The following CASTOR1 variants were observed in gnomAD, a reference collection of about 807,000 sequenced individuals.
CASTOR1 encodes cytosolic arginine sensor for mTORC1 subunit 1, also known as GATS protein like 3.
CASTOR1 carries 18 observed loss-of-function variants against 33.7 expected under a neutral mutation model. The observed-to-expected ratio is 0.53, with a 90% CI of 0.37 to 0.79. CASTOR1 has a LOEUF of 0.79. Among genes scored for constraint, CASTOR1 ranks in the 30% least tolerant of loss-of-function variants. The pLI, the probability that CASTOR1 is intolerant of heterozygous loss-of-function variation, is 0.00. For synonymous variants in CASTOR1, 175 were observed against 190.6 expected (o/e 0.92, Z 0.67); for missense variants, 362 against 446.3 (o/e 0.81, Z 1.70).
intron 1 of CASTOR1, 165 bp from the exon 2 acceptor site, chr22:30,288,941 G>A (rs1287568715): frequency 6.8e-6 from 4 of 585,410 alleles, no homozygotes; most frequent in Non-Finnish European, 1.2e-5. Flanking sequence ...CCCATCTCGG[G>A]GGTTGGGGGC....
Position 30,287,285 on chromosome 22 carries a change from C to A in CASTOR1, c.375G>T (p.Val125=), listed in dbSNP as rs772831027. Reference sequence around the variant, plus strand: ...TCACCACGGACAGGTCCTGCTCCCGCACCTGGGCCACAGCAGATGGCACAT... The same window carrying A: ...TCACCACGGACAGGTCCTGCTCCCGAACCTGGGCCACAGCAGATGGCACAT... ...LSTYQTDFIL[V]REQDLSVVIH... Residue 125 remains valine (V), a splice_region_variant and synonymous_variant, in exon 4 of 9, where the codon GTG becomes GTT. Coordinates refer to ENST00000407689, the MANE Select transcript of CASTOR1 (RefSeq NM_001037666.3). 6.4e-7 allele frequency: 1 copy of A among 1,572,440 alleles called. No homozygotes were observed. Among genetic ancestry groups the A allele is most frequent in the East Asian group, 2.3e-5 (1 of 44,436 alleles).
rs757569133 is a variant in CASTOR1 at position 30,285,930 on chromosome 22, A to C, written c.827-4T>G. On this transcript the variant is annotated splice_region_variant and splice_polypyrimidine_tract_variant and intron_variant, in intron 7 of 8. Coordinates refer to ENST00000407689, the MANE Select transcript of CASTOR1 (RefSeq NM_001037666.3). ...TGTGCCACGATGCCACATTCATCTG[A>C]GGGTGGTGGAGGAAGGCCACATGTG... The C allele has an allele frequency of 1.1e-5, 17 of 1,598,280 alleles. No individual in the cohort carries two copies. The highest frequency in any genetic ancestry group is 3.3e-4 in the Middle Eastern group (2 of 6,062).
chr22:30,287,108 G>A, intron 4 of CASTOR1, 47 bp downstream of exon 4: 1 of 1,571,936 alleles, frequency 6.4e-7, no homozygotes. Flanking sequence ...GACCCAGTGG[G>A]AAGAGGAGGC....
rs1049003084 is a variant in CASTOR1 at position 30,287,480 on chromosome 22, C to T, written c.265G>A (p.Val89Met). The change falls in exon 3 of 9, where the codon GTG becomes ATG. Residue 89 changes from valine to methionine, a missense_variant. Transcript: ENST00000407689. ...ATCTTGGTGACCCCAGCAGCCTGCA[C>T]TGCCGCACCGCTGTGAGACGACACG... ...LNVSSHSGAA[V>M]QAAGVTKIAR... The T allele has an allele frequency of 6.2e-7, 1 of 1,613,408 alleles. No individual in the cohort carries two copies. The highest frequency in any genetic ancestry group is 8.5e-7 in the Non-Finnish European group (1 of 1,180,038).
chr22:30,286,438 G>A (rs1314659376), intron 5 of CASTOR1, 62 bp from the exon 6 acceptor site: 13 of 1,146,484 alleles, frequency 1.1e-5, no homozygotes, highest in East Asian at 2.4e-5. Flanking sequence ...CCCTGCTCCC[G>A]ATCAGCCTCC....
In CASTOR1 at chr22:30,286,827, G is replaced by C; in HGVS notation, c.627C>G (p.His209Gln). The C allele has an allele frequency of 6.2e-7, 1 of 1,614,082 alleles. No homozygotes were observed. Among genetic ancestry groups the C allele is most frequent in the African/African-American group, 1.3e-5 (1 of 74,994 alleles). ...TTLIDVLFYS[H>Q]STPKEAASSS... ...AAAGACGAAGTTCCAAGGTCCACCT[G>C]TGCGAGTAGAAGAGGACATCTATGA... The change falls in exon 5 of 9, where the codon CAC (histidine) becomes CAG (glutamine). Residue 209 changes from histidine (H) to glutamine (Q), a missense_variant and splice_region_variant. His to Gln is a conservative substitution (Grantham distance 24, BLOSUM62 0). Transcript: ENST00000407689.
rs767070750 is a variant in CASTOR1, at chr22:30,285,882, C to T, written c.871G>A (p.Ala291Thr). ...VAQIAGPLAAADISAYYISTF... is the reference protein window; with the variant it reads ...VAQIAGPLAATDISAYYISTF... ...CTGATGTAGTAGGCAGAGATGTCAG[C>T]GGCAGCCAGGGGACCTGCAATCTGT... The change falls in exon 8 of 9, where the codon GCT becomes ACT. Residue 291 changes from alanine (A) to threonine (T), a missense_variant. Coordinates refer to ENST00000407689, the MANE Select transcript of CASTOR1 (RefSeq NM_001037666.3). The T allele has an allele frequency of 1.7e-5, 27 of 1,609,128 alleles. No homozygotes were observed. In the Admixed American group the frequency reaches 2.9e-4, roughly 17 times the overall value.
At chr22:30,286,174 C>A in intron 6 of CASTOR1, 76 bp from the exon 7 acceptor site, 1 of 1,428,014 alleles carries the variant, frequency 7.0e-7, no homozygotes, top group South Asian at 1.3e-5. Flanking sequence ...GACAGGTACA[C>A]CTGCTGACCT....
At chr22:30,286,130 C>A in intron 6 of CASTOR1, 32 bp from the exon 7 acceptor site, 1 of 1,485,436 alleles carries the variant, frequency 6.7e-7, no homozygotes, top group Non-Finnish European at 9.2e-7. Flanking sequence ...GGGCAGGGCA[C>A]CCCCATCCAC....
rs749088286 is a variant in CASTOR1 at position 30,285,665 on chromosome 22, G to A, written c.945C>T (p.Ser315=). ...GCCGCCGCTGGAGGACCTCGATGACGCTGCCGATACCGTCCTCGGGCACCT... is the reference window on the plus strand; with the variant it reads ...GCCGCCGCTGGAGGACCTCGATGACACTGCCGATACCGTCCTCGGGCACCT... ...HALVPEDGIG[S]VIEVLQRRQE... Residue 315 remains serine (S), a synonymous_variant, in exon 9 of 9, where the codon AGC becomes AGT. Coordinates refer to ENST00000407689, the MANE Select transcript of CASTOR1 (RefSeq NM_001037666.3). The A allele has an allele frequency of 5.1e-6, 8 of 1,571,872 alleles. No homozygotes were observed. Among genetic ancestry groups the A allele is most frequent in the Admixed American group, 1.8e-5 (1 of 54,506 alleles).
Position 30,288,583 on chromosome 22 carries a change from C to G in CASTOR1, c.184+123G>C, listed in dbSNP as rs553379828. The G allele has an allele frequency of 1.9e-3, 1,438 of 774,126 alleles. 2 individuals carry two copies. The highest frequency in any genetic ancestry group is 2.8e-3 in the Non-Finnish European group (1,289 of 462,958). 48.0% of individuals were successfully genotyped at this position (774,126 alleles called of 1,614,324 possible). A position where few individuals can be genotyped will look rare whatever the true frequency, so the allele number is the denominator to read the frequency against. ...AGGGAGTGGTGGAGTAGGATTCGAACCCCGACCCATCTGCTTTTAAGGCTT... is the reference window on the plus strand; with the variant it reads ...AGGGAGTGGTGGAGTAGGATTCGAAGCCCGACCCATCTGCTTTTAAGGCTT... On this transcript the variant is annotated intron_variant, in intron 2 of 8. Transcript: ENST00000407689.
At chr22:30,288,925 GT>G in intron 1 of CASTOR1, 149 bp from the exon 2 acceptor site, 1 of 608,644 alleles carries the variant, frequency 1.6e-6, no homozygotes, top group Non-Finnish European at 2.8e-6. Flanking sequence ...CCAATGGGAT[GT>G]TAGCCCCATC....
chr22:30,287,647 A>G (rs1009214816), intron 2 of CASTOR1, 87 bp from the exon 3 acceptor site: 1 of 1,306,570 alleles, frequency 7.7e-7, no homozygotes, highest in African/African-American at 1.5e-5. Context: ...TGTGCCTTGG[A>G]GGGCTCCATC....
At chr22:30,288,059 A>G (rs1346190244) in intron 2 of CASTOR1, 3 of 359,132 alleles carry the variant, frequency 8.4e-6, no homozygotes, top group Non-Finnish European at 1.6e-5. Flanking sequence ...GGACAGGCTA[A>G]GCTCCAGCTA....
Position 30,288,764 on chromosome 22 carries a change from G to T in CASTOR1, c.126C>A (p.Phe42Leu), listed in dbSNP as rs369487022. Residue 42 changes from phenylalanine to leucine, a missense_variant, in exon 2 of 9, where the codon TTC becomes TTA. Physicochemically the swap from Phe to Leu is conservative, Grantham distance 22. Transcript: ENST00000407689. ...AATCCTCAGGGGTCTCCGTCAGGCT[G>T]AAGAACTTGCACCTGGTTGGGGGTG... is the stretch of plus-strand genomic sequence containing the variant. The part of the protein sequence containing the change: ...FLPRRSRCKF[F>L]SLTETPEDYT... The T allele has an allele frequency of 6.2e-7, 1 of 1,611,920 alleles. No homozygotes were observed. Among genetic ancestry groups the T allele is most frequent in the African/African-American group, 1.3e-5 (1 of 74,858 alleles).
intron 3 of CASTOR1, 41 bp downstream of exon 3, chr22:30,287,332 A>G (rs1316564923): frequency 6.3e-7 from 1 of 1,588,230 alleles, no homozygotes; most frequent in East Asian, 2.2e-5. Flanking sequence ...CCAGGTACCT[A>G]TATCCACCCT....
intron 5 of CASTOR1, 117 bp downstream of exon 5, chr22:30,286,708 C>A (rs951095701): frequency 3.8e-6 from 5 of 1,318,264 alleles, no homozygotes; most frequent in East Asian, 2.4e-5. Context: ...TCATGGGCTG[C>A]CAGGAACCCC....
chr22:30,288,872 T>G, intron 1 of CASTOR1, 96 bp from the exon 2 acceptor site: 1 of 1,019,170 alleles, frequency 9.8e-7, no homozygotes, highest in African/African-American at 1.7e-5. Context: ...CCCGCGACCC[T>G]GGGCCGGGCG....
chr22:30,285,458 C>A lies in CASTOR1; in HGVS notation c.*162G>T. The A allele has an allele frequency of 1.7e-6, 1 of 602,232 alleles. No individual in the cohort carries two copies. Among genetic ancestry groups the A allele is most frequent in the South Asian group, 2.0e-5 (1 of 50,972 alleles). 37.3% of individuals were successfully genotyped at this position (602,232 alleles called of 1,614,324 possible). On this transcript the variant is annotated 3_prime_UTR_variant, in exon 9 of 9. Coordinates refer to ENST00000407689, the MANE Select transcript of CASTOR1 (RefSeq NM_001037666.3). ...ACCTGTGAGTGTACACAGGTGTCCG[C>A]GTAAAAGCCGGTGCCTGCACGCAGC...
Sources: gnomAD v4.1 joint callset for allele counts on GRCh38, gnomAD v4.1.1 for gene constraint, MANE v1.5 for transcripts, NCBI Gene and HGNC (gene_info 2026-07-23, HGNC 2026-07-21) for gene names.